The following PI4KA variants were observed in gnomAD, a reference collection of about 807,000 sequenced individuals.
PI4KA encodes the protein phosphatidylinositol 4-kinase alpha.
A neutral mutation model predicts 271.4 loss-of-function variants in PI4KA; 122 were observed. The observed-to-expected ratio is 0.45, with a 90% CI of 0.39 to 0.52. PI4KA has a LOEUF of 0.52. Among genes scored for constraint, PI4KA ranks in the 20% least tolerant of loss-of-function variants. The pLI is 0.00. For synonymous variants in PI4KA, 1,041 were observed against 1,078.8 expected (o/e 0.96, Z 0.69); for missense variants, 1,969 against 2,769.1 (o/e 0.71, Z 6.48).
chr22:20,818,290 T>C (rs998021924), intron 7 of PI4KA, among the ~76,000 whole-genome samples, 193 bp downstream of exon 7: 1 of 152,198 alleles, frequency 6.6e-6, no homozygotes, highest in East Asian at 1.9e-4. Context: ...TTTCTCTATA[T>C]ATAAAATATT....
chr22:20,813,322 ATC>A, intron 8 of PI4KA, 34 bp downstream of exon 8: 2 of 1,375,094 alleles, frequency 1.5e-6, no homozygotes, highest in South Asian at 1.2e-5. Flanking sequence ...TTACTGACAT[ATC>A]CATGGTCTGT....
intron 36 of PI4KA, among the ~76,000 whole-genome samples, chr22:20,731,257 C>G (rs941082477): frequency 6.6e-6 from 1 of 152,182 alleles, no homozygotes; most frequent in African/African-American, 2.4e-5. Flanking sequence ...ATCTGATCAC[C>G]GGCAACGTAT....
At chr22:20,827,897 C>T (rs1400421992) in intron 3 of PI4KA, among the ~76,000 whole-genome samples, 3 of 152,076 alleles carry the variant, frequency 2.0e-5, no homozygotes, top group Non-Finnish European at 4.4e-5. Flanking sequence ...CAGGTTCAAG[C>T]GATTCTCCTG....
At chr22:20,763,585 A>C (rs897616709) in intron 22 of PI4KA, among the ~76,000 whole-genome samples, 34 of 151,706 alleles carry the variant, frequency 2.2e-4, no homozygotes, top group African/African-American at 7.3e-4. Context: ...GACTATAGGC[A>C]CCCGCCACCA....
chr22:20,763,505 T>C (rs1300946129), intron 22 of PI4KA, among the ~76,000 whole-genome samples: 1 of 151,018 alleles, frequency 6.6e-6, no homozygotes, highest in Non-Finnish European at 1.5e-5. Flanking sequence ...AGTGGCGCGA[T>C]CTCAGCTCAC....
At chr22:20,769,841 G>A (rs767097165) in intron 19 of PI4KA, among the ~76,000 whole-genome samples, 2 of 152,152 alleles carry the variant, frequency 1.3e-5, no homozygotes, top group Non-Finnish European at 2.9e-5. Context: ...GACTAGACAT[G>A]TGATATATGT....
intron 10 of PI4KA, among the ~76,000 whole-genome samples, 195 bp from the exon 11 acceptor site, chr22:20,805,360 A>G (rs1569054684): frequency 1.3e-5 from 2 of 152,216 alleles, no homozygotes; most frequent in African/African-American, 2.4e-5. Flanking sequence ...CCACGTGCAC[A>G]CAACCTGGCA....
chr22:20,845,138 A>C (rs549055974), intron 1 of PI4KA, among the ~76,000 whole-genome samples: 4 of 152,316 alleles, frequency 2.6e-5, no homozygotes, highest in Non-Finnish European at 5.9e-5. Context: ...ACTGACTTAG[A>C]CTTTGATAAG....
intron 7 of PI4KA, among the ~76,000 whole-genome samples, chr22:20,815,375 G>A (rs1453867436): frequency 8.4e-5 from 8 of 95,294 alleles, no homozygotes; most frequent in South Asian, 3.5e-4. Context: ...AGGAGACTGC[G>A]TCTCAAAAAA....
At chr22:20,758,729 T>A (rs2147364359) in intron 23 of PI4KA, among the ~76,000 whole-genome samples, 1 of 152,242 alleles carries the variant, frequency 6.6e-6, no homozygotes, top group East Asian at 1.9e-4. Context: ...TGTGTGAGAC[T>A]CTCTGAATGT....
intron 1 of PI4KA, among the ~76,000 whole-genome samples, chr22:20,844,742 T>C (rs921326233): frequency 2.0e-5 from 3 of 152,318 alleles, no homozygotes; most frequent in Admixed American, 6.5e-5. Flanking sequence ...ACATTTATCA[T>C]GTGTTCATCT....
chr22:20,765,376 G>T, intron 20 of PI4KA, 140 bp from the exon 21 acceptor site: 3 of 914,190 alleles, frequency 3.3e-6, no homozygotes, highest in African/African-American at 1.7e-5. Flanking sequence ...TCTGTTACCT[G>T]ACTTGGACAG....
At chr22:20,820,022 C>T (rs1922426663) in intron 5 of PI4KA, 122 bp from the exon 6 acceptor site, 1 of 822,276 alleles carries the variant, frequency 1.2e-6, no homozygotes. Context: ...TGTGAAGGTT[C>T]ACAATAAGCC....
At chr22:20,797,681 T>C (rs1403691179) in intron 17 of PI4KA, among the ~76,000 whole-genome samples, 2 of 152,178 alleles carry the variant, frequency 1.3e-5, no homozygotes, top group Non-Finnish European at 1.5e-5. Flanking sequence ...CAGGTTCTCA[T>C]TTGGCAGATG....
chr22:20,747,571 G>A lies in PI4KA; in HGVS notation c.3363+12C>T, dbSNP rs1449480305. ...CTAAGGGGTCACTGCTCTTCAGAAG[G>A]CTCGCACATACCCCAAGAGTTGTGT... On this transcript the variant is annotated intron_variant, in intron 29 of 54. Transcript: ENST00000255882. 4 of 1,613,580 alleles carry A rather than the reference G, an allele frequency of 2.5e-6. No homozygotes were observed. The highest frequency in any genetic ancestry group is 3.4e-6 in the Non-Finnish European group (4 of 1,179,736).
intron 14 of PI4KA, among the ~76,000 whole-genome samples, chr22:20,800,070 T>C (rs1175544943): frequency 6.6e-6 from 1 of 152,226 alleles, no homozygotes; most frequent in Non-Finnish European, 1.5e-5. Flanking sequence ...TCACAGTGAC[T>C]GATTCCAAAG....
chr22:20,791,044 T>C (rs1934613704), intron 19 of PI4KA, among the ~76,000 whole-genome samples: 2 of 152,154 alleles, frequency 1.3e-5, no homozygotes, highest in South Asian at 4.1e-4. Flanking sequence ...ATCCCACATG[T>C]AGGACCAGGA....
intron 2 of PI4KA, among the ~76,000 whole-genome samples, chr22:20,835,133 T>G (rs75647975): frequency 6.9e-6 from 1 of 144,176 alleles, no homozygotes; most frequent in South Asian, 2.1e-4. Context: ...TTTCCTTGTG[T>G]TTTTTTTTTT....
chr22:20,765,148 C>T lies in PI4KA; in HGVS notation c.2526G>A (p.Arg842=), dbSNP rs1187034710. Residue 842 remains arginine, a synonymous_variant, in exon 21 of 55, where the codon CGG becomes CGA. Transcript: ENST00000255882. The part of the protein sequence containing the change: ...LLTFPSKEPL[R]SVLQYNSAMK... ...TGGCTGAGTTATACTGGAGGACGGACCGCAGTGGCTCCTTGCTGGGAAAGG... is the reference window on the plus strand; with the variant it reads ...TGGCTGAGTTATACTGGAGGACGGATCGCAGTGGCTCCTTGCTGGGAAAGG... 4 of 1,613,858 alleles carry T rather than the reference C, an allele frequency of 2.5e-6. No individual in the cohort carries two copies. The African/African-American group carries it at 4.0e-5, about 16-fold the overall frequency.
Sources: allele counts gnomAD v4.1 joint callset (sites outside exome capture counted in the v4.1 genomes callset), GRCh38; gene constraint gnomAD v4.1.1; transcripts MANE v1.5; gene names NCBI Gene and HGNC (gene_info 2026-07-23, HGNC 2026-07-21).